The following NELL1 variants were observed in gnomAD, a reference collection of about 807,000 sequenced individuals.
NELL1 encodes the protein protein kinase C-binding protein NELL1.
Under a neutral mutation model 107.4 loss-of-function variants are expected in NELL1, and 76 were observed. That is an observed-to-expected ratio of 0.71 (90% CI 0.59 to 0.86). NELL1 has a LOEUF of 0.86. NELL1 is among the 40% of genes least tolerant of loss of function. The pLI, the probability that NELL1 is intolerant of heterozygous loss-of-function variation, is 0.00. For missense variants in NELL1, 1,024 were observed against 1,005.5 expected (o/e 1.02, Z -0.25); for synonymous variants, 353 against 341.2 (o/e 1.03, Z -0.38).
At chr11:21,325,562 T>C (rs577322490) in intron 14 of NELL1, among the ~76,000 whole-genome samples, 3 of 98,074 alleles carry the variant, frequency 3.1e-5, no homozygotes, top group African/African-American at 9.8e-5. Flanking sequence ...TAAGATTGAT[T>C]TTTTTCCCCA....
At chr11:21,322,807 G>A (rs764017336) in intron 14 of NELL1, among the ~76,000 whole-genome samples, 7 of 151,984 alleles carry the variant, frequency 4.6e-5, no homozygotes, top group Non-Finnish European at 8.8e-5. Flanking sequence ...TTATTCCTCA[G>A]ACTTCTGAGC....
At chr11:20,675,965 C>A (rs1417421064) in intron 1 of NELL1, among the ~76,000 whole-genome samples, 1 of 151,896 alleles carries the variant, frequency 6.6e-6, no homozygotes, top group African/African-American at 2.4e-5. Flanking sequence ...CCCAGGCTGG[C>A]CTCAAACTCC....
At chr11:20,939,586 G>A (rs7939024) in intron 10 of NELL1, among the ~76,000 whole-genome samples, 92,455 of 151,966 alleles carry the variant, frequency 0.61, 30,615 homozygotes, top group Non-Finnish European at 0.74. Context: ...TGTTCAGGAT[G>A]GGGAAGAATT....
chr11:21,143,154 T>G (rs974573473), intron 13 of NELL1, among the ~76,000 whole-genome samples: 5 of 152,194 alleles, frequency 3.3e-5, no homozygotes, highest in Non-Finnish European at 7.3e-5. Flanking sequence ...CTTTTTGTGT[T>G]TGTGTTTACC....
chr11:21,191,732 C>T (rs962237565), intron 13 of NELL1, among the ~76,000 whole-genome samples: 6 of 151,778 alleles, frequency 4.0e-5, no homozygotes, highest in South Asian at 2.1e-4. Context: ...AATCTTTGGA[C>T]GAGACATTTA....
At chr11:20,732,177 T>G (rs1590242248) in intron 2 of NELL1, among the ~76,000 whole-genome samples, 1 of 152,160 alleles carries the variant, frequency 6.6e-6, no homozygotes, top group Non-Finnish European at 1.5e-5. Context: ...ATGGGTGATC[T>G]GATTTACACT....
At chr11:21,156,793 T>C (rs1276017164) in intron 13 of NELL1, among the ~76,000 whole-genome samples, 1 of 152,052 alleles carries the variant, frequency 6.6e-6, no homozygotes, top group Non-Finnish European at 1.5e-5. Context: ...AGAGCAGCTA[T>C]TAATATATAC....
At chr11:21,429,371 G>T (rs931796704) in intron 15 of NELL1, among the ~76,000 whole-genome samples, 1 of 152,126 alleles carries the variant, frequency 6.6e-6, no homozygotes, top group Non-Finnish European at 1.5e-5. Context: ...ATCAATCAAG[G>T]GCTTGAACCT....
chr11:20,753,425 C>T (rs971884903), intron 2 of NELL1, among the ~76,000 whole-genome samples: 8 of 64,156 alleles, frequency 1.2e-4, no homozygotes, highest in Non-Finnish European at 3.5e-4. Flanking sequence ...ACTCATATGT[C>T]ATATTTTTTT....
At chr11:21,515,404 G>A (rs1437904027) in intron 15 of NELL1, among the ~76,000 whole-genome samples, 1 of 152,182 alleles carries the variant, frequency 6.6e-6, no homozygotes, top group East Asian at 1.9e-4. Context: ...ACTGCAACAT[G>A]TTTAACTAAT....
intron 5 of NELL1, among the ~76,000 whole-genome samples, chr11:20,886,227 C>G (rs1423831087): frequency 2.6e-5 from 4 of 152,040 alleles, no homozygotes; most frequent in Non-Finnish European, 5.9e-5. Context: ...TGTAACAAAC[C>G]TGCGTGTGTA....
At chr11:21,002,939 G>A (rs890306433) in intron 12 of NELL1, among the ~76,000 whole-genome samples, 1 of 152,042 alleles carries the variant, frequency 6.6e-6, no homozygotes. Flanking sequence ...CTTGGGTTTT[G>A]CACTGAATCC....
intron 15 of NELL1, among the ~76,000 whole-genome samples, chr11:21,456,225 T>C (rs1853731050): frequency 6.6e-6 from 1 of 152,104 alleles, no homozygotes; most frequent in Non-Finnish European, 1.5e-5. Flanking sequence ...AAATTATTTG[T>C]ATGTTGTATT....
intron 16 of NELL1, among the ~76,000 whole-genome samples, chr11:21,539,999 T>G (rs1273622736): frequency 6.6e-6 from 1 of 151,970 alleles, no homozygotes; most frequent in Non-Finnish European, 1.5e-5. Context: ...GTTGGTCTGG[T>G]GTGGGACCTA....
chr11:21,107,640 T>A (rs1855001887), intron 12 of NELL1, among the ~76,000 whole-genome samples: 1 of 152,068 alleles, frequency 6.6e-6, no homozygotes, highest in African/African-American at 2.4e-5. Context: ...GACCTGTATC[T>A]TGGGAAAGGC....
At chr11:20,728,963 G>T (rs1396465208) in intron 2 of NELL1, among the ~76,000 whole-genome samples, 1 of 152,038 alleles carries the variant, frequency 6.6e-6, no homozygotes, top group Non-Finnish European at 1.5e-5. Context: ...TCAAATCTTT[G>T]TGTCATCTAT....
intron 6 of NELL1, 40 bp downstream of exon 6, chr11:20,918,294 T>C: frequency 8.3e-7 from 1 of 1,202,946 alleles, no homozygotes; most frequent in Non-Finnish European, 1.2e-6. Flanking sequence ...ATTATATAAC[T>C]TGTTGATTGT....
At chr11:21,308,044 G>C (rs1849645933) in intron 14 of NELL1, among the ~76,000 whole-genome samples, 1 of 151,976 alleles carries the variant, frequency 6.6e-6, no homozygotes, top group Non-Finnish European at 1.5e-5. Flanking sequence ...GACTCATGTG[G>C]AATCACATAG....
At chr11:20,906,217 A>G (rs1210394830) in intron 5 of NELL1, among the ~76,000 whole-genome samples, 1 of 152,296 alleles carries the variant, frequency 6.6e-6, no homozygotes, top group East Asian at 1.9e-4. Flanking sequence ...ATGAAAACAA[A>G]TTAGATAACC....
Sources: gnomAD v4.1 joint callset for allele counts (sites outside exome capture counted in the v4.1 genomes callset) on GRCh38, gnomAD v4.1.1 for gene constraint, MANE v1.5 for transcripts, NCBI Gene and HGNC (gene_info 2026-07-23, HGNC 2026-07-21) for gene names.